Variants in WWTR1 observed in about 807,000 individuals in gnomAD.
WWTR1 encodes the protein WW domain containing transcription regulator 1.
Under a neutral mutation model 40.1 loss-of-function variants are expected in WWTR1, and 13 were observed. That is an observed-to-expected ratio of 0.32 (90% confidence interval 0.21 to 0.52). The LOEUF (loss-of-function observed/expected upper bound fraction) is 0.52, where lower values mean the gene tolerates loss of function less well. Ranked by LOEUF, WWTR1 falls within the 20% of genes least tolerant of loss-of-function variation. WWTR1 has a pLI of 0.97. For synonymous variants in WWTR1, 230 were observed against 210.1 expected, an observed-to-expected ratio of 1.09 and a Z score of -0.82; for missense variants, 436 against 523.1, an observed-to-expected ratio of 0.83 and a Z score of 1.63.
intron 6 of WWTR1, among the ~76,000 whole-genome samples, chr3:149,523,065 T>TAA (rs35874540): frequency 1.0e-3 from 141 of 141,608 alleles, no homozygotes; most frequent in Middle Eastern, 3.6e-3. Flanking sequence ...GACCCCGTAT[T>TAA]AAAAAAAAAA....
chr3:149,583,213 G>A (rs542327434), intron 2 of WWTR1, among the ~76,000 whole-genome samples: 3 of 152,240 alleles, frequency 2.0e-5, no homozygotes, highest in African/African-American at 7.2e-5. Context: ...TTATCCACCC[G>A]CTTCGGCCTC....
At chr3:149,672,944 A>G (rs780620652) in intron 1 of WWTR1, among the ~76,000 whole-genome samples, 2 of 152,082 alleles carry the variant, frequency 1.3e-5, no homozygotes, top group Non-Finnish European at 2.9e-5. Flanking sequence ...TACCACATCC[A>G]GCTGTTTTTA....
At chr3:149,552,462 TGA>T (rs1476063622) in intron 3 of WWTR1, among the ~76,000 whole-genome samples, 1 of 151,228 alleles carries the variant, frequency 6.6e-6, no homozygotes, top group Admixed American at 6.7e-5. Context: ...AGATGAGAAC[TGA>T]GAAAAAAACT....
intron 3 of WWTR1, among the ~76,000 whole-genome samples, chr3:149,552,560 G>A (rs1020042801): frequency 2.0e-5 from 3 of 152,164 alleles, no homozygotes; most frequent in Non-Finnish European, 4.4e-5. Context: ...TATCCAAAGG[G>A]TACCACATTC....
rs73868036 is a variant in WWTR1, at chr3:149,604,460, A to G, written c.432-31460T>C. Among the ~76,000 whole-genome samples, 1,210 of 152,342 alleles carry G rather than the reference A, an allele frequency of 7.9e-3. 18 individuals carry two copies. Among genetic ancestry groups the G allele is most frequent in the African/African-American group, 0.027 (1,129 of 41,578 alleles). On this transcript the variant is annotated intron_variant, in intron 2 of 6. Coordinates refer to ENST00000360632, the MANE Select transcript of WWTR1 (RefSeq NM_015472.6). ...GCTAGCAGGGCCAGGTTTTACTCTTAGGGTTCTATCTCAAATTTTAGCTAC... is the reference window on the plus strand; with the variant it reads ...GCTAGCAGGGCCAGGTTTTACTCTTGGGGTTCTATCTCAAATTTTAGCTAC...
At chr3:149,527,724 A>G (rs1735386129) in intron 5 of WWTR1, 112 bp downstream of exon 5, 2 of 1,454,334 alleles carry the variant, frequency 1.4e-6, no homozygotes, top group South Asian at 1.2e-5. Flanking sequence ...CTTTATTCTC[A>G]CCCTCAACCC....
At chr3:149,543,601 A>AAAAAAAAAAAAAAAC (rs1393332686) in intron 3 of WWTR1, among the ~76,000 whole-genome samples, 1 of 149,634 alleles carries the variant, frequency 6.7e-6, no homozygotes, top group African/African-American at 2.4e-5. Context: ...AAAAAAAAAA[A>AAAAAAAAAAAAAAAC]AAGAACTTCA....
At chr3:149,635,316 T>C (rs1711760064) in intron 2 of WWTR1, among the ~76,000 whole-genome samples, 1 of 152,248 alleles carries the variant, frequency 6.6e-6, no homozygotes, top group African/African-American at 2.4e-5. Context: ...TAGAATTTAA[T>C]TTATATTAGG....
chr3:149,679,315 A>G (rs79476116), intron 1 of WWTR1, among the ~76,000 whole-genome samples: 4,073 of 152,298 alleles, frequency 0.027, 124 homozygotes, highest in East Asian at 0.13. Flanking sequence ...TGTGCTTTAT[A>G]ATTTCCACAT....
intron 1 of WWTR1, among the ~76,000 whole-genome samples, chr3:149,678,543 A>G (rs553365004): frequency 1.6e-4 from 24 of 152,300 alleles, no homozygotes; most frequent in African/African-American, 5.8e-4. Flanking sequence ...AGTCTATGCC[A>G]TTAGATCCCA....
intron 1 of WWTR1, among the ~76,000 whole-genome samples, chr3:149,688,951 T>C (rs1013741741): frequency 2.0e-5 from 3 of 152,126 alleles, no homozygotes; most frequent in Non-Finnish European, 2.9e-5. Flanking sequence ...GAAATTGAAA[T>C]AAATTTTAAA....
chr3:149,549,223 T>C (rs978116604), intron 3 of WWTR1, among the ~76,000 whole-genome samples: 3 of 151,784 alleles, frequency 2.0e-5, no homozygotes, highest in African/African-American at 7.3e-5. Flanking sequence ...CTGATGGGAG[T>C]TGGGGGGCAA....
intron 5 of WWTR1, among the ~76,000 whole-genome samples, chr3:149,712,701 T>C (rs1007531013): frequency 6.6e-6 from 1 of 152,216 alleles, no homozygotes; most frequent in Admixed American, 6.5e-5. Flanking sequence ...CTAATTCCTA[T>C]GGAATAGTAA....
chr3:149,708,659 T>C (rs1715392948), intron 5 of WWTR1, among the ~76,000 whole-genome samples: 1 of 152,240 alleles, frequency 6.6e-6, no homozygotes, highest in South Asian at 2.1e-4. Context: ...TTTTTCCTTT[T>C]TAAGGCAGAA....
At chr3:149,603,961 A>T (rs183059130) in intron 2 of WWTR1, among the ~76,000 whole-genome samples, 36 of 151,442 alleles carry the variant, frequency 2.4e-4, no homozygotes, top group African/African-American at 7.7e-4. Flanking sequence ...CATAGATTTT[A>T]TGTTGTATTC....
At chr3:149,568,553 A>C (rs1298459696) in intron 3 of WWTR1, among the ~76,000 whole-genome samples, 5 of 147,292 alleles carry the variant, frequency 3.4e-5, no homozygotes, top group African/African-American at 1.3e-4. Context: ...AAAAAAAAAA[A>C]AAAAAAACCA....
chr3:149,719,664 A>G (rs369751122), intron 4 of WWTR1, among the ~76,000 whole-genome samples: 44 of 152,310 alleles, frequency 2.9e-4, no homozygotes, highest in African/African-American at 1.0e-3. Context: ...TGGTAAATCT[A>G]TTTTTAATTT....
At chr3:149,572,563 G>A (rs1349994857) in intron 3 of WWTR1, among the ~76,000 whole-genome samples, 3 of 152,212 alleles carry the variant, frequency 2.0e-5, no homozygotes, top group East Asian at 1.9e-4. Flanking sequence ...AGGGTAACAC[G>A]GTATTGCAGC....
At chr3:149,632,906 A>G (rs994005976) in intron 2 of WWTR1, among the ~76,000 whole-genome samples, 3 of 152,208 alleles carry the variant, frequency 2.0e-5, no homozygotes, top group African/African-American at 7.2e-5. Flanking sequence ...TGAAGATGAG[A>G]ATGTGGAGGA....
Sources: allele counts gnomAD v4.1 joint callset (sites outside exome capture counted in the v4.1 genomes callset), GRCh38; gene constraint gnomAD v4.1.1; transcripts MANE v1.5; gene names NCBI Gene and HGNC (gene_info 2026-07-23, HGNC 2026-07-21).